JMJD1C: variants seen among roughly 807,000 people sequenced by gnomAD.
The protein encoded by JMJD1C is jumonji domain containing 1C, also known as jumonji domain-containing protein 1C.
Under a neutral mutation model 245.3 loss-of-function variants are expected in JMJD1C, and 31 were observed. The observed-to-expected ratio is 0.13, with a 90% CI of 0.09 to 0.17. The LOEUF is 0.17. JMJD1C is among the 10% of genes least tolerant of loss of function. The pLI, the probability that JMJD1C is intolerant of heterozygous loss-of-function variation, is 1.00. For synonymous variants in JMJD1C, 1,057 were observed against 1,017.4 expected (o/e 1.04, Z -0.74); for missense variants, 2,691 against 3,000.2 (o/e 0.90, Z 2.41).
chr10:63,208,666 T>G lies in JMJD1C; in HGVS notation c.3003A>C (p.Leu1001Phe). 1.2e-6 allele frequency: 2 copies of G among 1,614,106 alleles called. No individual in the cohort carries two copies. Among genetic ancestry groups the G allele is most frequent in the Non-Finnish European group, 1.7e-6 (2 of 1,179,980 alleles). Residue 1001 changes from leucine (L) to phenylalanine (F), a missense_variant, in exon 10 of 26, where the codon TTA (leucine) becomes TTC (phenylalanine). Around this residue, in one of 9 missense-constraint regions of JMJD1C, gnomAD observed 1,562 missense variants for 1,490.7 expected, o/e 1.05. Coordinates refer to ENST00000399262, the MANE Select transcript of JMJD1C (RefSeq NM_032776.3). ...HLHRHFVDPV[L>F]NQLQRPPQET... ...CCTGGGGTGGCCTCTGTAACTGATT[T>G]AATACTGGATCCACAAAATGCCTAT... is the stretch of plus-strand genomic sequence containing the variant.
chr10:63,168,150 A>T lies in JMJD1C; in HGVS notation c.7534-16T>A. 6.7e-7 allele frequency: 1 copy of T among 1,499,706 alleles called. No homozygotes were observed. The highest frequency in any genetic ancestry group is 1.7e-5 in the Admixed American group (1 of 59,784). The allele number at this position is 1,499,706 out of a possible 1,614,324, so 92.9% of individuals were successfully genotyped here. A position where few individuals can be genotyped will look rare whatever the true frequency, so the allele number is the denominator to read the frequency against. On this transcript the variant is annotated splice_polypyrimidine_tract_variant and intron_variant, in intron 25 of 25. Coordinates refer to ENST00000399262, the MANE Select transcript of JMJD1C (RefSeq NM_032776.3). ...TATTTTTAACCTGAAAGAGATGTTG[A>T]TATTTCTAATCACTTCAGTTCGACA...
chr10:63,215,042 AAAG>A lies in JMJD1C; in HGVS notation c.1122_1124del (p.Phe375del). ...AATTTTCTGAGTCACTGCTCTCAGA[AAAG>A]TCTGAAACATTGTCAGTTCGAAGTC... On this transcript the variant is annotated inframe_deletion, in exon 8 of 26. Coordinates refer to ENST00000399262, the MANE Select transcript of JMJD1C (RefSeq NM_032776.3). 1.2e-6 allele frequency: 2 copies of A among 1,608,008 alleles called. No individual in the cohort carries two copies. Among genetic ancestry groups the A allele is most frequent in the Non-Finnish European group, 1.7e-6 (2 of 1,177,388 alleles).
At chr10:63,439,368 A>G (rs1273840161) in intron 1 of JMJD1C, among the ~76,000 whole-genome samples, 1 of 152,212 alleles carries the variant, frequency 6.6e-6, no homozygotes, top group African/African-American at 2.4e-5. Context: ...AAACCACAAA[A>G]CTATTATAAA....
rs535981381 is a variant in JMJD1C, at chr10:63,347,263, T to C, written c.333+33055A>G. Reference sequence around the variant, plus strand: ...TTTGTATTTTTGTCAACTCCAACTTTATGCCTCCTTGTAAAAATTTTTCAA... The same window carrying C: ...TTTGTATTTTTGTCAACTCCAACTTCATGCCTCCTTGTAAAAATTTTTCAA... On this transcript the variant is annotated intron_variant, in intron 2 of 25. Transcript: ENST00000399262. 2.0e-5 allele frequency among the ~76,000 whole-genome samples: 3 copies of C among 152,110 alleles called. No individual in the cohort carries two copies. The East Asian group carries it at 5.8e-4, about 29-fold the overall frequency.
At chr10:63,370,071 C>T (rs1023756841) in intron 2 of JMJD1C, among the ~76,000 whole-genome samples, 2 of 152,160 alleles carry the variant, frequency 1.3e-5, no homozygotes, top group Non-Finnish European at 1.5e-5. Flanking sequence ...TCTTCACTGA[C>T]GAAACTCACA....
At chr10:63,403,985 C>T (rs1051953357) in intron 1 of JMJD1C, among the ~76,000 whole-genome samples, 4 of 151,600 alleles carry the variant, frequency 2.6e-5, no homozygotes, top group East Asian at 1.9e-4. Flanking sequence ...TATGGTGGCA[C>T]GCACCTGTAG....
At chr10:63,402,631 C>G (rs1948935763) in intron 1 of JMJD1C, among the ~76,000 whole-genome samples, 1 of 152,164 alleles carries the variant, frequency 6.6e-6, no homozygotes, top group African/African-American at 2.4e-5. Context: ...AAAATAGCCT[C>G]CAGAGCCCCA....
At chr10:63,371,591 T>C (rs1946326635) in intron 2 of JMJD1C, among the ~76,000 whole-genome samples, 1 of 152,260 alleles carries the variant, frequency 6.6e-6, no homozygotes, top group Middle Eastern at 3.4e-3. Flanking sequence ...CTAAACTGAA[T>C]ACACTTTTTA....
At chr10:63,473,253 C>CT (rs11399465) in intron 1 of JMJD1C, among the ~76,000 whole-genome samples, 20,657 of 149,006 alleles carry the variant, frequency 0.14, 3,235 homozygotes, top group African/African-American at 0.39. Context: ...GTTAAAAAAA[C>CT]TTTTTTTTTT....
intron 19 of JMJD1C, 29 bp from the exon 20 acceptor site, chr10:63,185,682 G>T: frequency 2.4e-6 from 3 of 1,245,248 alleles, no homozygotes; most frequent in South Asian, 1.2e-5. Context: ...ATTACTAAAA[G>T]GGTAATTTCT....
At chr10:63,199,936 T>G (rs1021328614) in intron 11 of JMJD1C, among the ~76,000 whole-genome samples, 1 of 152,170 alleles carries the variant, frequency 6.6e-6, no homozygotes, top group Non-Finnish European at 1.5e-5. Context: ...AAACCTCTCT[T>G]AGGTAGGTAC....
intron 2 of JMJD1C, among the ~76,000 whole-genome samples, chr10:63,356,921 C>A (rs1944892240): frequency 6.6e-6 from 1 of 152,148 alleles, no homozygotes; most frequent in Non-Finnish European, 1.5e-5. Context: ...CCTGTTTATT[C>A]ATCTATAAAC....
chr10:63,243,118 T>TATATATATATATATATAA (rs1564668850), intron 3 of JMJD1C, among the ~76,000 whole-genome samples: 3 of 86,972 alleles, frequency 3.4e-5, no homozygotes, highest in African/African-American at 8.5e-5. Flanking sequence ...TATATATATA[T>TATATATATATATATATAA]ATATATAAAT....
chr10:63,274,779 GT>G (rs1339308577), intron 2 of JMJD1C, among the ~76,000 whole-genome samples: 1 of 152,104 alleles, frequency 6.6e-6, no homozygotes. Flanking sequence ...TGGCTTCTAT[GT>G]GCAAGGCACC....
intron 1 of JMJD1C, among the ~76,000 whole-genome samples, chr10:63,507,538 G>A (rs930052207): frequency 5.3e-5 from 8 of 151,052 alleles, no homozygotes; most frequent in East Asian, 1.9e-4. Flanking sequence ...CTAGCTACTC[G>A]GGAGACTGAG....
chr10:63,372,167 A>C (rs1946368094), intron 2 of JMJD1C, among the ~76,000 whole-genome samples: 1 of 152,186 alleles, frequency 6.6e-6, no homozygotes, highest in Admixed American at 6.6e-5. Context: ...ACTCTAAGAG[A>C]ATATTTTAAA....
At chr10:63,268,864 G>A (rs763278723) in intron 2 of JMJD1C, 4 of 985,656 alleles carry the variant, frequency 4.1e-6, no homozygotes, top group Admixed American at 1.2e-4. Flanking sequence ...TCATTGTATA[G>A]GAAGAAAAGC....
chr10:63,189,118 A>G, intron 18 of JMJD1C, 50 bp downstream of exon 18: 1 of 1,486,658 alleles, frequency 6.7e-7, no homozygotes, highest in Non-Finnish European at 9.0e-7. Context: ...ATTCTATTTA[A>G]TAAGCTTCAG....
chr10:63,334,526 C>T (rs1284996619), intron 2 of JMJD1C, among the ~76,000 whole-genome samples: 6 of 152,082 alleles, frequency 3.9e-5, no homozygotes, highest in East Asian at 2.0e-4. Context: ...GTTCAAGACC[C>T]GCCTGAGCAA....
Sources: allele counts gnomAD v4.1 joint callset (sites outside exome capture counted in the v4.1 genomes callset), GRCh38; gene constraint gnomAD v4.1.1; regional missense constraint gnomAD v4.1.1; transcripts MANE v1.5; gene names NCBI Gene and HGNC (gene_info 2026-07-23, HGNC 2026-07-21).